ZZZ3: variants seen among roughly 807,000 people sequenced by gnomAD.
ZZZ3 encodes the protein ZZ-type zinc finger-containing protein 3.
In ZZZ3, 22 loss-of-function variants were observed where a neutral mutation model predicts 95.2. The ratio of observed to expected loss-of-function variants is 0.23; its 90% CI spans 0.17 to 0.33. The LOEUF is 0.33. Among genes scored for constraint, ZZZ3 ranks in the 10% least tolerant of loss-of-function variants. The pLI is 1.00. For missense variants in ZZZ3, 885 were observed against 1,066.5 expected, an observed-to-expected ratio of 0.83 and a Z score of 2.37; for synonymous variants, 335 against 358.9, an observed-to-expected ratio of 0.93 and a Z score of 0.75.
At chr1:77,615,631 T>C (rs1179303819) in intron 5 of ZZZ3, among the ~76,000 whole-genome samples, 1 of 152,206 alleles carries the variant, frequency 6.6e-6, no homozygotes, top group Non-Finnish European at 1.5e-5. Flanking sequence ...AAAAAATATA[T>C]TTCTCCATGT....
intron 5 of ZZZ3, among the ~76,000 whole-genome samples, chr1:77,594,647 T>A (rs925255537): frequency 1.3e-5 from 2 of 152,016 alleles, no homozygotes; most frequent in African/African-American, 4.8e-5. Context: ...GGGAGTTCTT[T>A]AAGTATGCTA....
At chr1:77,612,886 A>G (rs542252554) in intron 5 of ZZZ3, among the ~76,000 whole-genome samples, 21 of 152,026 alleles carry the variant, frequency 1.4e-4, no homozygotes, top group Non-Finnish European at 2.8e-4. Flanking sequence ...CAGCATGAAA[A>G]CTAAAGTTAA....
chr1:77,646,553 T>C (rs1471735648), intron 1 of ZZZ3, among the ~76,000 whole-genome samples: 2 of 152,106 alleles, frequency 1.3e-5, no homozygotes, highest in Non-Finnish European at 2.9e-5. Flanking sequence ...CCTTTAAAAA[T>C]GCATGCTCTA....
At chr1:77,650,616 T>C (rs1333484376) in intron 1 of ZZZ3, among the ~76,000 whole-genome samples, 2 of 147,416 alleles carry the variant, frequency 1.4e-5, no homozygotes, top group Non-Finnish European at 3.0e-5. Context: ...AAACATGTGT[T>C]AGAAAAAAAG....
chr1:77,633,231 T>G lies in ZZZ3; in HGVS notation c.124A>C (p.Asn42His). The G allele has an allele frequency of 6.2e-7, 1 of 1,614,154 alleles. No homozygotes were observed. The highest frequency in any genetic ancestry group is 8.5e-7 in the Non-Finnish European group (1 of 1,179,990). The change falls in exon 5 of 15, where the codon AAT (asparagine) becomes CAT (histidine). Residue 42 changes from asparagine to histidine, a missense_variant. Coordinates refer to ENST00000370801, the MANE Select transcript of ZZZ3 (RefSeq NM_015534.6). ...GGTGATCTTGATCGTACTTGAGAAT[T>G]AGAAGAGATTTCTTCAGGATGCGCA... ...SIAHPEEISS[N>H]SQVRSRSPKK...
chr1:77,677,365 C>T (rs1672360899), intron 1 of ZZZ3: 1 of 151,568 alleles, frequency 6.6e-6, no homozygotes, highest in Non-Finnish European at 1.5e-5. Flanking sequence ...AGATGTTTGA[C>T]TGCAATAATG....
Position 77,584,643 on chromosome 1 carries a change from T to C in ZZZ3, c.1518A>G (p.Leu506=), listed in dbSNP as rs951371753. The part of the protein sequence containing the change: ...ALKHNKDYQR[L]LQTIAVLEAQ... ...CCTCGAGTACAGCAATCGTCTGTAA[T>C]AGTCTCTGATAACTACAGAGACAAA... The change falls in exon 6 of 15, where the codon CTA becomes CTG. Residue 506 remains leucine (L), a synonymous_variant. Transcript: ENST00000370801. 8 of 1,588,152 alleles carry C rather than the reference T, an allele frequency of 5.0e-6. No individual in the cohort carries two copies. The South Asian group carries it at 5.8e-5, about 12-fold the overall frequency.
chr1:77,568,441 T>G lies in ZZZ3; in HGVS notation c.2357A>C (p.Tyr786Ser), dbSNP rs750579901. Residue 786 changes from tyrosine (Y) to serine (S), a missense_variant, in exon 13 of 15, where the codon TAT becomes TCT. Coordinates refer to ENST00000370801, the MANE Select transcript of ZZZ3 (RefSeq NM_015534.6). ...ASDDESIPIM[Y>S]RNLPEYKELL... The stretch of plus-strand genomic sequence containing the variant: ...TTCTTTATATTCAGGTAAATTCCTA[T>G]ACATGATAGGAATACTTTCGTCATC... 2.3e-6 allele frequency: 3 copies of G among 1,290,540 alleles called. No homozygotes were observed. The highest frequency in any genetic ancestry group is 3.2e-6 in the Non-Finnish European group (3 of 943,200). 79.9% of individuals were successfully genotyped at this position (1,290,540 alleles called of 1,614,324 possible). A position where few individuals can be genotyped will look rare whatever the true frequency, so the allele number is the denominator to read the frequency against.
intron 6 of ZZZ3, among the ~76,000 whole-genome samples, chr1:77,583,187 C>A (rs1245574627): frequency 3.3e-5 from 5 of 152,006 alleles, no homozygotes; most frequent in African/African-American, 9.7e-5. Context: ...TAATCAACTG[C>A]ATGCAAATCT....
chr1:77,639,124 C>CA (rs1385963552), intron 4 of ZZZ3, among the ~76,000 whole-genome samples: 1 of 151,994 alleles, frequency 6.6e-6, no homozygotes, highest in Admixed American at 6.6e-5. Flanking sequence ...GACAGACAGA[C>CA]AGACAGATAG....
intron 5 of ZZZ3, among the ~76,000 whole-genome samples, chr1:77,613,814 T>C (rs543579608): frequency 6.6e-6 from 1 of 152,270 alleles, no homozygotes; most frequent in East Asian, 1.9e-4. Flanking sequence ...ATGTCGAATA[T>C]ATATTAAAAT....
chr1:77,647,530 A>G (rs1437837149), intron 1 of ZZZ3, among the ~76,000 whole-genome samples: 1 of 152,100 alleles, frequency 6.6e-6, no homozygotes, highest in South Asian at 2.1e-4. Flanking sequence ...GGAAGGAAAA[A>G]AAAAAAAAAT....
At chr1:77,663,862 G>T (rs1046188297) in intron 1 of ZZZ3, among the ~76,000 whole-genome samples, 1 of 151,640 alleles carries the variant, frequency 6.6e-6, no homozygotes, top group Non-Finnish European at 1.5e-5. Context: ...CGATTCTCCT[G>T]CCTTAGCCTC....
At chr1:77,565,904 G>T in intron 14 of ZZZ3, 120 bp from the exon 15 acceptor site, 1 of 1,224,818 alleles carries the variant, frequency 8.2e-7, no homozygotes, top group Non-Finnish European at 1.1e-6. Flanking sequence ...AATCTCCAAC[G>T]GAAAGTTACT....
intron 5 of ZZZ3, among the ~76,000 whole-genome samples, chr1:77,622,705 G>GAAAA (rs1666999069): frequency 6.6e-6 from 1 of 152,038 alleles, no homozygotes; most frequent in East Asian, 1.9e-4. Context: ...CCATCCTCAA[G>GAAAA]AACTTTATCT....
intron 1 of ZZZ3, among the ~76,000 whole-genome samples, chr1:77,669,036 C>G (rs1162596491): frequency 6.6e-6 from 1 of 150,924 alleles, no homozygotes. Flanking sequence ...GCCTTATGCA[C>G]AACGATATCC....
chr1:77,628,692 T>C (rs974909463), intron 5 of ZZZ3, among the ~76,000 whole-genome samples: 2 of 152,212 alleles, frequency 1.3e-5, no homozygotes, highest in Non-Finnish European at 2.9e-5. Context: ...ACTGTTAGGT[T>C]AGAGGAAAAG....
chr1:77,674,394 A>T (rs933123796), intron 1 of ZZZ3, among the ~76,000 whole-genome samples: 12 of 152,238 alleles, frequency 7.9e-5, no homozygotes, highest in Admixed American at 3.9e-4. Context: ...GCTCAAAAGC[A>T]AATAAAATAA....
Position 77,633,152 on chromosome 1 carries a change from GT to G in ZZZ3, c.202del (p.Thr68ProfsTer4). 1 of 1,613,880 alleles carries G rather than the reference GT, an allele frequency of 6.2e-7. No homozygotes were observed. Among genetic ancestry groups the G allele is most frequent in the Non-Finnish European group, 8.5e-7 (1 of 1,179,982 alleles). On this transcript the variant is annotated frameshift_variant, in exon 5 of 15. Coordinates refer to ENST00000370801, the MANE Select transcript of ZZZ3 (RefSeq NM_015534.6). LOFTEE classifies it high-confidence loss of function. ...GGTACTCTGCTGTTTTAAATCAGTG[GT>G]TCTCCCATTATTATTTCCTTTCTGA... ...PIQKGNNNGRTTDLKQQSTRE... is the reference protein window; with the variant it reads ...PIQKGNNNGRXTDLKQQSTRE...
Sources: allele counts gnomAD v4.1 joint callset (sites outside exome capture counted in the v4.1 genomes callset), GRCh38; gene constraint gnomAD v4.1.1; transcripts MANE v1.5; gene names NCBI Gene and HGNC (gene_info 2026-07-23, HGNC 2026-07-21).